RAP1GDS1: variants seen among roughly 807,000 people sequenced by gnomAD.
RAP1GDS1 encodes the protein Rap1 GTPase-GDP dissociation stimulator 1, also known as RAP1, GTP-GDP dissociation stimulator 1.
In RAP1GDS1, 35 loss-of-function variants were observed where a neutral mutation model predicts 71.1. The observed-to-expected ratio is 0.49, with a 90% CI of 0.38 to 0.65. The LOEUF is 0.65. RAP1GDS1 is among the 30% of genes least tolerant of loss of function. RAP1GDS1 has a pLI of 0.00. For missense variants in RAP1GDS1, 663 were observed against 706.1 expected, an observed-to-expected ratio of 0.94 and a Z score of 0.69; for synonymous variants, 229 against 243.1, an observed-to-expected ratio of 0.94 and a Z score of 0.54.
intron 7 of RAP1GDS1, among the ~76,000 whole-genome samples, chr4:98,410,218 G>A (rs1370373542): frequency 6.6e-6 from 1 of 152,134 alleles, no homozygotes; most frequent in Non-Finnish European, 1.5e-5. Flanking sequence ...GAGGGCTTGT[G>A]TATACAGTGT....
chr4:98,283,007 T>A (rs762688762), intron 1 of RAP1GDS1, among the ~76,000 whole-genome samples: 1 of 152,120 alleles, frequency 6.6e-6, no homozygotes, highest in Non-Finnish European at 1.5e-5. Flanking sequence ...ATTTTTGTTC[T>A]AGGAATTGAA....
At chr4:98,374,134 C>CACTT (rs1208414035) in intron 4 of RAP1GDS1, among the ~76,000 whole-genome samples, 2 of 152,084 alleles carry the variant, frequency 1.3e-5, no homozygotes, top group Non-Finnish European at 2.9e-5. Context: ...GACTACTGTA[C>CACTT]ACTTAGGTTA....
chr4:98,443,017 T>TTTTTTTTTTTTTTTTTTTC lies in RAP1GDS1; in HGVS notation c.*918_*919insCTTTTTTTTTTTTTTTTTT, dbSNP rs1752074739. The TTTTTTTTTTTTTTTTTTTC allele has an allele frequency of 6.3e-6, 1 of 157,870 alleles. No individual in the cohort carries two copies. Among genetic ancestry groups the TTTTTTTTTTTTTTTTTTTC allele is most frequent in the African/African-American group, 2.8e-5 (1 of 35,606 alleles). The allele number at this position is 157,870 out of a possible 1,614,324, so 9.8% of individuals were successfully genotyped here. A position where few individuals can be genotyped will look rare whatever the true frequency, so the allele number is the denominator to read the frequency against. On this transcript the variant is annotated 3_prime_UTR_variant, in exon 15 of 15. Transcript: ENST00000408927. ...AGTATAGTTCATTGAAGAATGGAAT[T>TTTTTTTTTTTTTTTTTTTC]TTTTTTTTTTTTTTTTTTTTTGCTG... is the stretch of plus-strand genomic sequence containing the variant.
At chr4:98,295,986 A>C (rs1451911959) in intron 2 of RAP1GDS1, among the ~76,000 whole-genome samples, 1 of 151,942 alleles carries the variant, frequency 6.6e-6, no homozygotes, top group Non-Finnish European at 1.5e-5. Flanking sequence ...CTAAATGTAA[A>C]ATTATAAAAC....
chr4:98,441,711 A>G (rs1751887568), intron 14 of RAP1GDS1: 1 of 757,256 alleles, frequency 1.3e-6, no homozygotes, highest in Non-Finnish European at 1.6e-6. Context: ...AGGCTGCAGT[A>G]AGCTGTGACC....
At chr4:98,361,388 C>A (rs550587723) in intron 4 of RAP1GDS1, among the ~76,000 whole-genome samples, 1 of 151,794 alleles carries the variant, frequency 6.6e-6, no homozygotes, top group Non-Finnish European at 1.5e-5. Flanking sequence ...GTAAAAGTAA[C>A]TTTTATGGAA....
At chr4:98,287,673 G>A (rs1726239311) in intron 1 of RAP1GDS1, among the ~76,000 whole-genome samples, 1 of 152,090 alleles carries the variant, frequency 6.6e-6, no homozygotes, top group South Asian at 2.1e-4. Context: ...ATAGTTTTTA[G>A]CTCTTTTGTT....
rs1428965434 is a variant in RAP1GDS1, at chr4:98,442,440, A to C, written c.*323A>C. 1 of 254,394 alleles carries C rather than the reference A, an allele frequency of 3.9e-6. No individual in the cohort carries two copies. Among genetic ancestry groups the C allele is most frequent in the East Asian group, 5.7e-5 (1 of 17,550 alleles). The allele number at this position is 254,394 out of a possible 1,614,324, so 15.8% of individuals were successfully genotyped here. A position where few individuals can be genotyped will look rare whatever the true frequency, so the allele number is the denominator to read the frequency against. On this transcript the variant is annotated 3_prime_UTR_variant, in exon 15 of 15. Coordinates refer to ENST00000408927, the MANE Select transcript of RAP1GDS1 (RefSeq NM_001100427.2). ...ACATAATGACTTGCTCCACACATGC[A>C]GTAAACTACATAATGATGTACTGGT...
At chr4:98,290,754 A>T (rs1726804406) in intron 1 of RAP1GDS1, among the ~76,000 whole-genome samples, 3 of 152,138 alleles carry the variant, frequency 2.0e-5, no homozygotes, top group South Asian at 4.1e-4. Flanking sequence ...ATCAGGTTTT[A>T]TCCAAATGTA....
intron 4 of RAP1GDS1, among the ~76,000 whole-genome samples, chr4:98,373,861 C>T (rs1378941932): frequency 1.3e-5 from 2 of 152,130 alleles, no homozygotes; most frequent in Non-Finnish European, 2.9e-5. Flanking sequence ...TACTTGAACA[C>T]AAGCACTGCG....
At chr4:98,365,118 A>G (rs1578599858) in intron 4 of RAP1GDS1, among the ~76,000 whole-genome samples, 1 of 152,178 alleles carries the variant, frequency 6.6e-6, no homozygotes, top group East Asian at 1.9e-4. Flanking sequence ...TGAAATACTG[A>G]CTTCCCTTTT....
chr4:98,293,741 T>C (rs543130444), intron 2 of RAP1GDS1, among the ~76,000 whole-genome samples: 1 of 152,170 alleles, frequency 6.6e-6, no homozygotes, highest in East Asian at 1.9e-4. Context: ...AAGGAGGAAT[T>C]GATGGGTGGT....
At chr4:98,293,040 A>G (rs1433736111) in intron 1 of RAP1GDS1, among the ~76,000 whole-genome samples, 1 of 152,190 alleles carries the variant, frequency 6.6e-6, no homozygotes, top group Non-Finnish European at 1.5e-5. Flanking sequence ...GGAAGTGAAC[A>G]ATGAAATAAA....
chr4:98,305,305 A>G (rs1460138100), intron 2 of RAP1GDS1, among the ~76,000 whole-genome samples: 2 of 152,162 alleles, frequency 1.3e-5, no homozygotes, highest in Non-Finnish European at 2.9e-5. Context: ...ATCCATGAGC[A>G]TGCAATGTTT....
At chr4:98,296,948 CCA>C (rs777704236) in intron 2 of RAP1GDS1, 3 of 335,516 alleles carry the variant, frequency 8.9e-6, no homozygotes, top group South Asian at 6.2e-5. Context: ...GCCGGGGGGA[CCA>C]TAAAGTGTGC....
chr4:98,264,701 T>C (rs1722496948), intron 1 of RAP1GDS1, among the ~76,000 whole-genome samples: 1 of 152,154 alleles, frequency 6.6e-6, no homozygotes, highest in African/African-American at 2.4e-5. Flanking sequence ...TTACATATAT[T>C]ATAGATTCAG....
chr4:98,418,324 A>T (rs185231113), intron 9 of RAP1GDS1, among the ~76,000 whole-genome samples: 20 of 152,340 alleles, frequency 1.3e-4, no homozygotes, highest in Admixed American at 8.5e-4. Flanking sequence ...TATCACTGTA[A>T]CATTGGGAGA....
chr4:98,392,202 T>G (rs1743807940), intron 6 of RAP1GDS1, 122 bp downstream of exon 6: 5 of 917,622 alleles, frequency 5.4e-6, no homozygotes, highest in Non-Finnish European at 7.7e-6. Flanking sequence ...TTTTGAAGCA[T>G]TTGAGATATT....
At chr4:98,391,129 T>TTGGTTCA (rs1743585409) in intron 5 of RAP1GDS1, among the ~76,000 whole-genome samples, 1 of 152,172 alleles carries the variant, frequency 6.6e-6, no homozygotes, top group African/African-American at 2.4e-5. Context: ...GTGTTCATTT[T>TTGGTTCA]TGGTTCATTT....
Sources: gnomAD v4.1 joint callset for allele counts (sites outside exome capture counted in the v4.1 genomes callset) on GRCh38, gnomAD v4.1.1 for gene constraint, MANE v1.5 for transcripts, NCBI Gene and HGNC (gene_info 2026-07-23, HGNC 2026-07-21) for gene names.